ITPR2: variants seen among roughly 807,000 people sequenced by gnomAD.
ITPR2 encodes inositol 1,4,5-trisphosphate-gated calcium channel ITPR2.
ITPR2 carries 207 observed loss-of-function variants against 317.1 expected under a neutral mutation model. The ratio of observed to expected loss-of-function variants is 0.65; its 90% CI spans 0.58 to 0.73. ITPR2 has a LOEUF of 0.73. ITPR2 is among the 30% of genes least tolerant of loss of function. The pLI is 0.00. For missense variants in ITPR2, 2,613 were observed against 3,284.0 expected, an observed-to-expected ratio of 0.80 and a Z score of 4.99; for synonymous variants, 1,156 against 1,149.1, an observed-to-expected ratio of 1.01 and a Z score of -0.12.
chr12:26,811,311 C>T (rs1427872869), intron 1 of ITPR2, among the ~76,000 whole-genome samples: 1 of 152,224 alleles, frequency 6.6e-6, no homozygotes, highest in East Asian at 1.9e-4. Context: ...CGTTGTTCTG[C>T]TTTTCAAAGT....
chr12:26,687,226 C>T (rs1372914699), intron 10 of ITPR2, among the ~76,000 whole-genome samples: 2 of 152,128 alleles, frequency 1.3e-5, no homozygotes, highest in Non-Finnish European at 2.9e-5. Flanking sequence ...TCCAGCACAC[C>T]CTACCATTTT....
intron 23 of ITPR2, among the ~76,000 whole-genome samples, 179 bp downstream of exon 23, chr12:26,627,854 T>C (rs1052854811): frequency 6.6e-6 from 1 of 152,030 alleles, no homozygotes; most frequent in Non-Finnish European, 1.5e-5. Flanking sequence ...CAAACCAACA[T>C]GGCACGTGTA....
chr12:26,460,731 G>T lies in ITPR2; in HGVS notation c.6342+14565C>A, dbSNP rs562345132. ...ATATTCTCAGAGTCTCTGGGGTCGGGGTCCCGGAATTTGATGCACTACAAC... is the reference window on the plus strand; with the variant it reads ...ATATTCTCAGAGTCTCTGGGGTCGGTGTCCCGGAATTTGATGCACTACAAC... On this transcript the variant is annotated intron_variant, in intron 45 of 56. Transcript: ENST00000381340. Among the ~76,000 whole-genome samples the T allele has an allele frequency of 5.9e-5, 9 of 152,196 alleles. No individual in the cohort carries two copies. In the East Asian group the frequency reaches 1.7e-3, roughly 29 times the overall value.
chr12:26,381,843 G>A (rs189806605), intron 55 of ITPR2, among the ~76,000 whole-genome samples: 9 of 152,166 alleles, frequency 5.9e-5, no homozygotes, highest in Middle Eastern at 3.2e-3. Flanking sequence ...CTCCAGACAC[G>A]CATGCCGCCT....
chr12:26,787,062 C>T (rs1950266996), intron 2 of ITPR2, among the ~76,000 whole-genome samples: 2 of 152,268 alleles, frequency 1.3e-5, no homozygotes, highest in South Asian at 4.1e-4. Flanking sequence ...TGGCCTAAGG[C>T]AAGAGCCGTA....
chr12:26,521,790 G>T (rs1190080159), intron 37 of ITPR2, among the ~76,000 whole-genome samples: 1 of 152,172 alleles, frequency 6.6e-6, no homozygotes, highest in Non-Finnish European at 1.5e-5. Context: ...GTCAGGGTAA[G>T]GGATTAGCTG....
chr12:26,579,632 T>G (rs1280489879), intron 33 of ITPR2, among the ~76,000 whole-genome samples: 1 of 152,152 alleles, frequency 6.6e-6, no homozygotes, highest in Non-Finnish European at 1.5e-5. Context: ...TTTAATTGAT[T>G]AAATTTTTAG....
intron 36 of ITPR2, among the ~76,000 whole-genome samples, chr12:26,552,475 C>T (rs917403052): frequency 6.6e-6 from 1 of 152,170 alleles, no homozygotes; most frequent in African/African-American, 2.4e-5. Context: ...AGCCATCACA[C>T]CCAGCTCAAT....
At chr12:26,820,164 G>A (rs1179028987) in intron 1 of ITPR2, among the ~76,000 whole-genome samples, 1 of 152,064 alleles carries the variant, frequency 6.6e-6, no homozygotes, top group Non-Finnish European at 1.5e-5. Context: ...TGACACAACA[G>A]ATTATTAAAA....
intron 13 of ITPR2, among the ~76,000 whole-genome samples, chr12:26,669,909 C>T (rs1342168878): frequency 6.6e-6 from 1 of 152,248 alleles, no homozygotes; most frequent in African/African-American, 2.4e-5. Context: ...CCACACATGG[C>T]TGGGAGGGTC....
chr12:26,734,627 TAA>T (rs57269056), intron 2 of ITPR2, among the ~76,000 whole-genome samples: 10 of 139,726 alleles, frequency 7.2e-5, no homozygotes, highest in Admixed American at 7.2e-5. Flanking sequence ...TGTCCTAAAT[TAA>T]AAAAAAAAAA....
At chr12:26,406,083 G>GA in intron 52 of ITPR2, among the ~76,000 whole-genome samples, 1 of 152,004 alleles carries the variant, frequency 6.6e-6, no homozygotes, top group South Asian at 2.1e-4. Flanking sequence ...AGTACTGCTG[G>GA]AAAAATAAAT....
At chr12:26,737,620 G>A (rs1949150382) in intron 2 of ITPR2, among the ~76,000 whole-genome samples, 1 of 152,090 alleles carries the variant, frequency 6.6e-6, no homozygotes, top group Admixed American at 6.5e-5. Flanking sequence ...TTCATGTTGT[G>A]CATTTACATA....
intron 6 of ITPR2, 139 bp downstream of exon 6, chr12:26,716,005 G>T: frequency 1.4e-6 from 1 of 708,166 alleles, no homozygotes; most frequent in Non-Finnish European, 2.4e-6. Context: ...ACTAATCACA[G>T]CTATATGTAC....
At chr12:26,484,838 A>G (rs996847955) in intron 41 of ITPR2, among the ~76,000 whole-genome samples, 1 of 151,950 alleles carries the variant, frequency 6.6e-6, no homozygotes, top group Non-Finnish European at 1.5e-5. Context: ...CAGCCTCCGG[A>G]GTAGCTGGGA....
chr12:26,658,498 G>C (rs1592006253), intron 16 of ITPR2, among the ~76,000 whole-genome samples: 1 of 152,190 alleles, frequency 6.6e-6, no homozygotes, highest in Non-Finnish European at 1.5e-5. Flanking sequence ...CTGAACAAAA[G>C]AGAAATAGAG....
At chr12:26,713,495 G>C (rs1948685732) in intron 8 of ITPR2, among the ~76,000 whole-genome samples, 1 of 152,200 alleles carries the variant, frequency 6.6e-6, no homozygotes, top group South Asian at 2.1e-4. Context: ...TTTAAATGAA[G>C]TAAAGACATC....
At chr12:26,348,248 C>A (rs1329607944) in intron 55 of ITPR2, among the ~76,000 whole-genome samples, 2 of 152,202 alleles carry the variant, frequency 1.3e-5, no homozygotes, top group Admixed American at 6.5e-5. Context: ...CTGGAAGATC[C>A]CTCAGGGAAA....
chr12:26,630,139 A>T (rs982690734), intron 22 of ITPR2, among the ~76,000 whole-genome samples: 1 of 152,254 alleles, frequency 6.6e-6, no homozygotes, highest in African/African-American at 2.4e-5. Flanking sequence ...CAGATGCTTC[A>T]CATGGAAGGG....
Sources: gnomAD v4.1 joint callset for allele counts (sites outside exome capture counted in the v4.1 genomes callset) on GRCh38, gnomAD v4.1.1 for gene constraint, MANE v1.5 for transcripts, NCBI Gene and HGNC (gene_info 2026-07-23, HGNC 2026-07-21) for gene names.